The following DDX60 variants were observed in gnomAD, a reference collection of about 807,000 sequenced individuals.
The protein encoded by DDX60 is DExD/H-box helicase 60.
Under a neutral mutation model 212.8 loss-of-function variants are expected in DDX60, and 165 were observed. The observed-to-expected ratio is 0.78, with a 90% CI of 0.68 to 0.88. DDX60 has a LOEUF of 0.88. Among genes scored for constraint, DDX60 ranks in the 40% least tolerant of loss-of-function variants. The pLI is 0.00. For synonymous variants in DDX60, 703 were observed against 685.3 expected (o/e 1.03, Z -0.40); for missense variants, 1,905 against 2,003.9 (o/e 0.95, Z 0.94).
chr4:168,308,228 A>G (rs775277384), intron 3 of DDX60, 33 bp from the exon 4 acceptor site: 3 of 1,262,976 alleles, frequency 2.4e-6, no homozygotes, highest in East Asian at 5.0e-5. Flanking sequence ...CAAAAATCAC[A>G]TATGCATTAA....
intron 36 of DDX60, among the ~76,000 whole-genome samples, 176 bp downstream of exon 36, chr4:168,221,554 C>T (rs146434917): frequency 1.2e-3 from 185 of 151,654 alleles, no homozygotes; most frequent in African/African-American, 4.1e-3. Context: ...AAAATAATAC[C>T]GAATTGTTAT....
At chr4:168,232,906 A>G (rs1007825477) in intron 33 of DDX60, among the ~76,000 whole-genome samples, 10 of 152,132 alleles carry the variant, frequency 6.6e-5, no homozygotes, top group African/African-American at 2.4e-4. Context: ...AGAAATAATC[A>G]GCAGAGTAAA....
In DDX60 at chr4:168,237,878, T is replaced by C. The variant is rs1733686261; in HGVS notation, c.4165-83A>G. On this transcript the variant is annotated intron_variant, in intron 30 of 37. Transcript: ENST00000393743. ...AAAATGATAATAAATGATAGATCAA[T>C]ATCTATTATACCACAAAGATATCAG... 1.1e-5 allele frequency: 11 copies of C among 1,000,850 alleles called. No individual in the cohort carries two copies. The South Asian group carries it at 1.8e-4, about 17-fold the overall frequency. 62.0% of individuals were successfully genotyped at this position (1,000,850 alleles called of 1,614,324 possible). A position where few individuals can be genotyped will look rare whatever the true frequency, so the allele number is the denominator to read the frequency against.
intron 8 of DDX60, among the ~76,000 whole-genome samples, chr4:168,288,519 G>T (rs987433693): frequency 6.6e-6 from 1 of 152,124 alleles, no homozygotes; most frequent in African/African-American, 2.4e-5. Context: ...ATCCAAAAAT[G>T]CATTCTGTAT....
chr4:168,280,637 C>G, intron 13 of DDX60, 47 bp from the exon 14 acceptor site: 3 of 1,551,290 alleles, frequency 1.9e-6, no homozygotes, highest in Non-Finnish European at 2.6e-6. Flanking sequence ...GAAAATATTC[C>G]AAGATAACAG....
chr4:168,217,754 G>T (rs892755090), intron 37 of DDX60, among the ~76,000 whole-genome samples: 5 of 152,092 alleles, frequency 3.3e-5, no homozygotes, highest in Non-Finnish European at 7.4e-5. Flanking sequence ...GCTGGCTTTG[G>T]AGATGAAAGG....
intron 6 of DDX60, among the ~76,000 whole-genome samples, chr4:168,299,286 A>G (rs1333183055): frequency 6.6e-6 from 1 of 152,014 alleles, no homozygotes; most frequent in African/African-American, 2.4e-5. Flanking sequence ...TTTTTTAATG[A>G]CAAAAAATTT....
Position 168,236,246 on chromosome 4 carries a change from G to GT in DDX60, c.4533+5dup. ...TACTAAATTTTATCAGAATCACACA[G>GT]TTTACCTTTGATTGATAAAACTCGA... On this transcript the variant is annotated splice_donor_region_variant and intron_variant, in intron 33 of 37. Transcript: ENST00000393743. 1 of 1,608,472 alleles carries GT rather than the reference G, an allele frequency of 6.2e-7. No homozygotes were observed. Among genetic ancestry groups the GT allele is most frequent in the Non-Finnish European group, 8.5e-7 (1 of 1,177,504 alleles).
At chr4:168,266,684 G>A (rs541577023) in intron 22 of DDX60, among the ~76,000 whole-genome samples, 37 of 152,316 alleles carry the variant, frequency 2.4e-4, no homozygotes, top group African/African-American at 8.4e-4. Context: ...ATGGAAAGGA[G>A]ATTGGGGCCA....
intron 25 of DDX60, 58 bp from the exon 26 acceptor site, chr4:168,255,927 A>G (rs1056643966): frequency 1.6e-5 from 24 of 1,502,080 alleles, no homozygotes; most frequent in Non-Finnish European, 2.1e-5. Flanking sequence ...ATTCAAAACC[A>G]TATTTCCATC....
At chr4:168,233,932 T>C (rs1320107674) in intron 33 of DDX60, among the ~76,000 whole-genome samples, 1 of 152,070 alleles carries the variant, frequency 6.6e-6, no homozygotes, top group African/African-American at 2.4e-5. Flanking sequence ...AAAAAAGCAA[T>C]AGCATGTCTA....
At chr4:168,318,925 C>G (rs1296561625), upstream of DDX60, 1 of 152,092 alleles carries the variant, frequency 6.6e-6, no homozygotes, top group Non-Finnish European at 1.5e-5. Context: ...GGGAGCATGG[C>G]GAGACGTTAG....
intron 3 of DDX60, among the ~76,000 whole-genome samples, chr4:168,310,017 T>A (rs1010339607): frequency 1.5e-4 from 23 of 152,118 alleles, no homozygotes; most frequent in South Asian, 6.2e-4. Context: ...CTCTCAGATG[T>A]ACAACAAAAA....
At chr4:168,217,188 A>T (rs1732877897) in intron 37 of DDX60, among the ~76,000 whole-genome samples, 156 bp from the exon 38 acceptor site, 1 of 152,162 alleles carries the variant, frequency 6.6e-6, no homozygotes, top group South Asian at 2.1e-4. Context: ...TATTTCTCCT[A>T]AAAAATCTTG....
At chr4:168,288,508 GA>G (rs1257332496) in intron 8 of DDX60, among the ~76,000 whole-genome samples, 193 bp from the exon 9 acceptor site, 1 of 152,116 alleles carries the variant, frequency 6.6e-6, no homozygotes, top group Non-Finnish European at 1.5e-5. Context: ...AATAAAAACT[GA>G]TCCAAAAATG....
chr4:168,304,232 T>C (rs781276295), intron 5 of DDX60, among the ~76,000 whole-genome samples: 4 of 152,190 alleles, frequency 2.6e-5, no homozygotes, highest in Non-Finnish European at 5.9e-5. Context: ...TGTGTGTTAC[T>C]GCCCCTGAAG....
chr4:168,231,879 GAAAT>G (rs1733468629), intron 33 of DDX60, among the ~76,000 whole-genome samples: 1 of 151,860 alleles, frequency 6.6e-6, no homozygotes, highest in African/African-American at 2.4e-5. Context: ...TCAAACAAAA[GAAAT>G]AAATAAAGGA....
intron 10 of DDX60, among the ~76,000 whole-genome samples, chr4:168,286,389 T>TACACACACACACACACACACACACACAC (rs71867661): frequency 7.5e-6 from 1 of 133,662 alleles, no homozygotes; most frequent in Non-Finnish European, 1.6e-5. Context: ...CTTGATTTTA[T>TACACACACACACACACACACACACACAC]ACACACACAC....
chr4:168,258,033 T>C (rs898565137), intron 25 of DDX60, among the ~76,000 whole-genome samples: 12 of 152,248 alleles, frequency 7.9e-5, no homozygotes, highest in African/African-American at 2.9e-4. Context: ...GGGATTATTT[T>C]AGAAAGTCCT....
Sources: allele counts gnomAD v4.1 joint callset (sites outside exome capture counted in the v4.1 genomes callset), GRCh38; gene constraint gnomAD v4.1.1; transcripts MANE v1.5; gene names NCBI Gene and HGNC (gene_info 2026-07-23, HGNC 2026-07-21).